The following CHODL variants were observed in gnomAD, a reference collection of about 807,000 sequenced individuals.
CHODL encodes chondrolectin, also known as transmembrane protein MT75.
In CHODL, 29 loss-of-function variants were observed where a neutral mutation model predicts 34.5. That is an observed-to-expected ratio of 0.84 (90% CI 0.63 to 1.15). CHODL has a LOEUF of 1.15. Ranked by LOEUF, CHODL falls within the 50% of genes most tolerant of loss-of-function variation. The probability of loss-of-function intolerance (pLI) is 0.00; values close to 1 mark genes in which losing one functional copy is unlikely to be tolerated. For missense variants in CHODL, 332 were observed against 332.5 expected (o/e 1.00, Z 0.01); for synonymous variants, 125 against 116.1 (o/e 1.08, Z -0.49).
chr21:18,265,296 C>G (rs1252918832), intron 5 of CHODL, among the ~76,000 whole-genome samples: 2 of 140,346 alleles, frequency 1.4e-5, no homozygotes, highest in African/African-American at 2.9e-5. Context: ...TATACACACA[C>G]ACACACACAC....
At chr21:17,972,930 G>A (rs1300764154) in intron 1 of CHODL, among the ~76,000 whole-genome samples, 1 of 152,072 alleles carries the variant, frequency 6.6e-6, no homozygotes, top group Non-Finnish European at 1.5e-5. Context: ...CATGATACTG[G>A]TACCAAAACA....
chr21:18,123,088 A>G (rs1335334522), intron 2 of CHODL, among the ~76,000 whole-genome samples: 2 of 152,224 alleles, frequency 1.3e-5, no homozygotes, highest in African/African-American at 2.4e-5. Context: ...TTTCATGCAC[A>G]AGACTGCTTA....
At chr21:17,991,821 T>C (rs1309122274) in intron 1 of CHODL, among the ~76,000 whole-genome samples, 1 of 152,148 alleles carries the variant, frequency 6.6e-6, no homozygotes, top group African/African-American at 2.4e-5. Flanking sequence ...AGAGGCTTTA[T>C]AGTTTAATAT....
intron 2 of CHODL, among the ~76,000 whole-genome samples, chr21:18,203,345 A>G (rs900888898): frequency 1.3e-5 from 2 of 152,172 alleles, no homozygotes; most frequent in Admixed American, 6.5e-5. Flanking sequence ...GAATTTCTGC[A>G]GTATTCATAA....
At chr21:18,192,981 T>G (rs1601129310) in intron 2 of CHODL, among the ~76,000 whole-genome samples, 1 of 152,196 alleles carries the variant, frequency 6.6e-6, no homozygotes, top group African/African-American at 2.4e-5. Context: ...AAAATTACTT[T>G]TATACCACAT....
rs866758263 is a variant in CHODL, at chr21:18,152,796, C to A, written c.-44-103713C>A. 5.9e-5 allele frequency among the ~76,000 whole-genome samples: 9 copies of A among 152,310 alleles called. 1 individual carries two copies. The highest frequency in any genetic ancestry group is 2.1e-4 in the South Asian group (1 of 4,832). On this transcript the variant is annotated intron_variant, in intron 2 of 6. Transcript: ENST00000400127. ...ACCAGGGAGTGGGGATCTTCTGGACCATCTTAGAATTCTGCCCACTATATG... is the reference window on the plus strand; with the variant it reads ...ACCAGGGAGTGGGGATCTTCTGGACAATCTTAGAATTCTGCCCACTATATG...
At chr21:17,997,662 C>T (rs1399750092) in intron 1 of CHODL, among the ~76,000 whole-genome samples, 1 of 152,178 alleles carries the variant, frequency 6.6e-6, no homozygotes, top group African/African-American at 2.4e-5. Flanking sequence ...GCACTTCTTA[C>T]ATGGTGGTGG....
intron 2 of CHODL, among the ~76,000 whole-genome samples, chr21:18,198,422 GA>G (rs2073613347): frequency 6.6e-6 from 1 of 152,050 alleles, no homozygotes; most frequent in African/African-American, 2.4e-5. Flanking sequence ...GTAAAACAGT[GA>G]TTTTTTAACT....
intron 2 of CHODL, among the ~76,000 whole-genome samples, chr21:18,201,874 G>C (rs1168512526): frequency 7.0e-6 from 1 of 142,920 alleles, no homozygotes; most frequent in Non-Finnish European, 1.5e-5. Context: ...GCGCGATCTC[G>C]GCTCACTGGA....
intron 2 of CHODL, among the ~76,000 whole-genome samples, chr21:18,050,446 A>G (rs951541577): frequency 8.6e-5 from 13 of 152,014 alleles, no homozygotes; most frequent in African/African-American, 2.9e-4. Context: ...GACAGAGTAG[A>G]TACAGGGATC....
intron 4 of CHODL, among the ~76,000 whole-genome samples, chr21:18,262,449 A>C (rs1328210546): frequency 6.6e-6 from 1 of 152,156 alleles, no homozygotes; most frequent in Non-Finnish European, 1.5e-5. Flanking sequence ...AATGCTGTAG[A>C]CAACTGTAAC....
intron 2 of CHODL, among the ~76,000 whole-genome samples, chr21:18,228,552 G>C (rs966929868): frequency 3.3e-5 from 5 of 152,118 alleles, no homozygotes; most frequent in Non-Finnish European, 7.4e-5. Flanking sequence ...AAGCATCCCA[G>C]CTGTGTTTTC....
intron 2 of CHODL, among the ~76,000 whole-genome samples, chr21:18,148,803 T>G (rs941775686): frequency 2.0e-5 from 3 of 152,134 alleles, no homozygotes; most frequent in African/African-American, 7.2e-5. Context: ...ATATTTGTCT[T>G]TCCACTTATT....
intron 1 of CHODL, chr21:18,022,359 A>G (rs2064135799): frequency 1.3e-5 from 2 of 152,082 alleles, no homozygotes; most frequent in Admixed American, 1.3e-4. Flanking sequence ...TGTCTTTCTC[A>G]TATAAGAATA....
intron 2 of CHODL, among the ~76,000 whole-genome samples, chr21:18,095,488 C>G (rs935093732): frequency 6.6e-6 from 1 of 152,082 alleles, no homozygotes; most frequent in African/African-American, 2.4e-5. Flanking sequence ...ATACCAATAA[C>G]AAGTAATGAG....
At chr21:18,133,810 C>T (rs994979161) in intron 2 of CHODL, among the ~76,000 whole-genome samples, 1 of 152,150 alleles carries the variant, frequency 6.6e-6, no homozygotes, top group Non-Finnish European at 1.5e-5. Flanking sequence ...GAAGCTCACA[C>T]TCATACTGCC....
chr21:18,249,699 T>A (rs1320689651), intron 1 of CHODL, among the ~76,000 whole-genome samples: 3 of 152,186 alleles, frequency 2.0e-5, no homozygotes, highest in Non-Finnish European at 4.4e-5. Flanking sequence ...GGTAAAAGCA[T>A]GGAGTGTAGA....
intron 1 of CHODL, among the ~76,000 whole-genome samples, chr21:17,997,409 T>C (rs1272030702): frequency 1.3e-5 from 2 of 152,202 alleles, no homozygotes; most frequent in Non-Finnish European, 2.9e-5. Context: ...AAGGCCATAC[T>C]AGGCTAGTAC....
At position 18,251,625 on chromosome 21, in the gene CHODL, A is replaced by C. The variant is rs1206597626; in HGVS notation, c.80-4884A>C. On this transcript the variant is annotated intron_variant, in intron 1 of 5. Coordinates refer to ENST00000299295, the MANE Select transcript of CHODL (RefSeq NM_024944.3). The stretch of plus-strand genomic sequence containing the variant: ...ATTTATTTTAATATATAAAATATTT[A>C]TTTTATTTATTTATTTTAATATATA... Among the ~76,000 whole-genome samples the C allele has an allele frequency of 2.7e-4, 32 of 119,564 alleles. 2 individuals carry two copies. The South Asian group carries it at 7.3e-3, about 27-fold the overall frequency. 78.4% of individuals were successfully genotyped at this position (119,564 alleles called of 152,430 possible).
Sources: gnomAD v4.1 joint callset for allele counts (sites outside exome capture counted in the v4.1 genomes callset) on GRCh38, gnomAD v4.1.1 for gene constraint, MANE v1.5 for transcripts, NCBI Gene and HGNC (gene_info 2026-07-23, HGNC 2026-07-21) for gene names.